The following RPH3A variants were observed in gnomAD, a reference collection of about 807,000 sequenced individuals.
RPH3A encodes the protein rabphilin-3A.
RPH3A carries 48 observed loss-of-function variants against 102.2 expected under a neutral mutation model. The observed-to-expected ratio is 0.47, with a 90% CI of 0.37 to 0.60. The LOEUF is 0.60. RPH3A is among the 20% of genes least tolerant of loss of function. RPH3A has a pLI of 0.00. For synonymous variants in RPH3A, 310 were observed against 324.3 expected (o/e 0.96, Z 0.47); for missense variants, 781 against 910.1 (o/e 0.86, Z 1.83).
intron 1 of RPH3A, among the ~76,000 whole-genome samples, chr12:112,692,097 C>T (rs2040310868): frequency 6.6e-6 from 1 of 152,176 alleles, no homozygotes; most frequent in South Asian, 2.1e-4. Flanking sequence ...ATCACACATT[C>T]TCACTCATAT....
chr12:112,812,323 C>A (rs936427140), intron 2 of RPH3A, among the ~76,000 whole-genome samples: 1 of 152,188 alleles, frequency 6.6e-6, no homozygotes, highest in Non-Finnish European at 1.5e-5. Flanking sequence ...GAATGAGGAA[C>A]TGGTGTCCAC....
intron 1 of RPH3A, among the ~76,000 whole-genome samples, chr12:112,602,608 T>C (rs1457631526): frequency 6.6e-6 from 1 of 152,094 alleles, no homozygotes; most frequent in African/African-American, 2.4e-5. Flanking sequence ...TATTTATAAA[T>C]GTGAAGTTTT....
chr12:112,663,616 C>G (rs927056760), intron 1 of RPH3A, among the ~76,000 whole-genome samples: 1 of 152,122 alleles, frequency 6.6e-6, no homozygotes, highest in Non-Finnish European at 1.5e-5. Context: ...CTTGGCCTAC[C>G]AAAGTGCTGG....
intron 20 of RPH3A, 102 bp from the exon 21 acceptor site, chr12:112,895,675 G>C: frequency 1.4e-6 from 1 of 731,104 alleles, no homozygotes; most frequent in African/African-American, 1.7e-5. Context: ...GCCAGCTCAA[G>C]GACCTCTCCT....
At position 112,856,895 on chromosome 12, in the gene RPH3A, C is replaced by G. The variant is rs182042567; in HGVS notation, c.231-8519C>G. ...ATTTACAGATAAAGAAATTGAAGCT[C>G]GGAAAGGTTAAGGAGATTTCCTGGG... On this transcript the variant is annotated intron_variant, in intron 5 of 21. Coordinates refer to ENST00000389385, the MANE Select transcript of RPH3A (RefSeq NM_001143854.2). Among the ~76,000 whole-genome samples the G allele has an allele frequency of 2.6e-5, 4 of 152,202 alleles. No individual in the cohort carries two copies. The East Asian group carries it at 7.7e-4, about 29-fold the overall frequency.
At chr12:112,816,228 A>G (rs1263748430) in intron 2 of RPH3A, among the ~76,000 whole-genome samples, 1 of 152,208 alleles carries the variant, frequency 6.6e-6, no homozygotes, top group African/African-American at 2.4e-5. Flanking sequence ...TCCAGGCTTC[A>G]GTTTCCCCAT....
upstream of RPH3A, among the ~76,000 whole-genome samples, chr12:112,789,793 T>TACC (rs557658633): frequency 9.2e-4 from 136 of 147,104 alleles, no homozygotes; most frequent in African/African-American, 2.9e-3. Flanking sequence ...TGACAATTAC[T>TACC]ACCACCACCA....
chr12:112,688,745 C>T (rs1039410292), intron 1 of RPH3A, among the ~76,000 whole-genome samples: 4 of 152,218 alleles, frequency 2.6e-5, no homozygotes, highest in Non-Finnish European at 5.9e-5. Context: ...AATGAAGAAA[C>T]TCTACCTTTC....
Position 112,748,927 on chromosome 12 carries a change from A to G in RPH3A, c.-139-43216A>G, listed in dbSNP as rs1431836806. ...CAATTCCCAAGATTTAAAAGCTGGAACATGCCATATCATACTTTGGACTTT... is the reference window on the plus strand; with the variant it reads ...CAATTCCCAAGATTTAAAAGCTGGAGCATGCCATATCATACTTTGGACTTT... On this transcript the variant is annotated intron_variant, in intron 1 of 21. Coordinates refer to the RPH3A transcript ENST00000543106. 5.9e-5 allele frequency among the ~76,000 whole-genome samples: 9 copies of G among 152,130 alleles called. No individual in the cohort carries two copies. The East Asian group carries it at 1.7e-3, about 29-fold the overall frequency.
intron 5 of RPH3A, among the ~76,000 whole-genome samples, chr12:112,861,168 C>T (rs1051537769): frequency 2.6e-5 from 4 of 152,174 alleles, no homozygotes; most frequent in Admixed American, 6.5e-5. Flanking sequence ...ATGAAACCCT[C>T]GGGGTACCAT....
intron 1 of RPH3A, among the ~76,000 whole-genome samples, chr12:112,615,505 C>T (rs1427876811): frequency 2.6e-5 from 4 of 152,150 alleles, no homozygotes; most frequent in African/African-American, 9.7e-5. Flanking sequence ...GGTATCATGC[C>T]AGCCAGCCAG....
chr12:112,666,200 G>T (rs1327578070), intron 1 of RPH3A, among the ~76,000 whole-genome samples: 25 of 152,180 alleles, frequency 1.6e-4, no homozygotes, highest in Non-Finnish European at 4.4e-5. Context: ...TTATCTTGCT[G>T]CTGTTTCAGA....
At position 112,879,144 on chromosome 12, in the gene RPH3A, C is replaced by T. The variant is rs746729446; in HGVS notation, c.1197C>T (p.Ser399=). The T allele has an allele frequency of 1.2e-6, 2 of 1,613,966 alleles. No homozygotes were observed. The highest frequency in any genetic ancestry group is 1.7e-6 in the Non-Finnish European group (2 of 1,179,962). The change falls in exon 14 of 22, where the codon AGC becomes AGT. Residue 399 remains serine (S), a synonymous_variant. Transcript: ENST00000389385. ...EATTLGALEF[S]LLYDQDNSSL... is the part of the protein sequence containing the mutation. ...CCACCCTGGGTGCCCTGGAATTCAG[C>T]CTTCTCTACGACCAGGACAACAGCT...
intron 1 of RPH3A, among the ~76,000 whole-genome samples, chr12:112,576,909 C>CTTTTTTTTTTTTT (rs3036138): frequency 4.4e-5 from 5 of 114,592 alleles, no homozygotes; most frequent in African/African-American, 1.1e-4. Flanking sequence ...TCTTTTCTTC[C>CTTTTTTTTTTTTT]TTTTTTTTTT....
chr12:112,618,105 T>C (rs774844105), intron 1 of RPH3A, among the ~76,000 whole-genome samples: 3 of 152,148 alleles, frequency 2.0e-5, no homozygotes, highest in Non-Finnish European at 4.4e-5. Flanking sequence ...CATGAGAATC[T>C]AGCATGTCTC....
At chr12:112,789,826 T>A (rs112930373), upstream of RPH3A, among the ~76,000 whole-genome samples, 480 of 142,472 alleles carry the variant, frequency 3.4e-3, 4 homozygotes, top group African/African-American at 0.011. Context: ...CTGAGGCAGG[T>A]GGTTCATTTG....
intron 1 of RPH3A, among the ~76,000 whole-genome samples, chr12:112,776,349 C>T (rs965483315): frequency 7.2e-5 from 11 of 152,134 alleles, no homozygotes; most frequent in African/African-American, 2.4e-4. Context: ...TCTTATTGCT[C>T]ACTAGTCTAT....
chr12:112,876,602 G>A (rs760521240), intron 12 of RPH3A, 40 bp from the exon 13 acceptor site: 2 of 1,412,084 alleles, frequency 1.4e-6, no homozygotes, highest in Non-Finnish European at 1.9e-6. Context: ...TTATGAAACA[G>A]GGATGCAGCT....
At chr12:112,708,322 G>A (rs1668385030) in intron 1 of RPH3A, among the ~76,000 whole-genome samples, 1 of 152,164 alleles carries the variant, frequency 6.6e-6, no homozygotes, top group Non-Finnish European at 1.5e-5. Context: ...CCAGGACCAG[G>A]AGGGGAAAAG....
Sources: gnomAD v4.1 joint callset for allele counts (sites outside exome capture counted in the v4.1 genomes callset) on GRCh38, gnomAD v4.1.1 for gene constraint, MANE v1.5 for transcripts, NCBI Gene and HGNC (gene_info 2026-07-23, HGNC 2026-07-21) for gene names.